Variants in SP4 observed in about 807,000 individuals in gnomAD.
The protein encoded by SP4 is Sp4 transcription factor.
In SP4, 19 loss-of-function variants were observed where a neutral mutation model predicts 72.8. The observed-to-expected ratio is 0.26, with a 90% CI of 0.18 to 0.38. The LOEUF (loss-of-function observed/expected upper bound fraction) is 0.38. SP4 is among the 10% of genes least tolerant of loss of function. The pLI is 1.00. For synonymous variants in SP4, 395 were observed against 333.1 expected, an observed-to-expected ratio of 1.19 and a Z score of -2.02; for missense variants, 1,008 against 926.3, an observed-to-expected ratio of 1.09 and a Z score of -1.14.
At chr7:21,478,718 G>A (rs1330512674) in intron 4 of SP4, among the ~76,000 whole-genome samples, 1 of 152,048 alleles carries the variant, frequency 6.6e-6, no homozygotes, top group Non-Finnish European at 1.5e-5. Context: ...TTTTCATTAT[G>A]GAATTGTCTC....
At chr7:21,456,351 G>A (rs1028178239) in intron 3 of SP4, among the ~76,000 whole-genome samples, 1 of 152,182 alleles carries the variant, frequency 6.6e-6, no homozygotes, top group Non-Finnish European at 1.5e-5. Context: ...AAGGTGTATG[G>A]TAAGTCATAA....
chr7:21,504,705 T>G (rs918219225), intron 5 of SP4, among the ~76,000 whole-genome samples: 1 of 152,238 alleles, frequency 6.6e-6, no homozygotes, highest in Non-Finnish European at 1.5e-5. Context: ...CTTAATAATA[T>G]GGCTTCATAT....
chr7:21,475,063 A>G (rs1265940909), intron 3 of SP4, among the ~76,000 whole-genome samples: 1 of 150,880 alleles, frequency 6.6e-6, no homozygotes, highest in Non-Finnish European at 1.5e-5. Flanking sequence ...CATTTAAGGT[A>G]CTACATGTGC....
At chr7:21,440,560 A>G (rs763939895) in intron 3 of SP4, among the ~76,000 whole-genome samples, 81 of 152,026 alleles carry the variant, frequency 5.3e-4, no homozygotes, top group Non-Finnish European at 8.5e-4. Flanking sequence ...GTGGAAAAGA[A>G]GTGGTGTGGC....
At chr7:21,436,211 T>C (rs1022194122) in intron 3 of SP4, among the ~76,000 whole-genome samples, 1 of 152,106 alleles carries the variant, frequency 6.6e-6, no homozygotes, top group Admixed American at 6.5e-5. Flanking sequence ...AAATAGAGTT[T>C]TAATCATCTG....
intron 3 of SP4, among the ~76,000 whole-genome samples, chr7:21,438,715 C>T (rs1394526898): frequency 6.6e-6 from 1 of 152,140 alleles, no homozygotes. Context: ...AAACAATTTA[C>T]AAGTTTTAAA....
At chr7:21,455,816 G>C (rs972928085) in intron 3 of SP4, among the ~76,000 whole-genome samples, 3 of 152,112 alleles carry the variant, frequency 2.0e-5, no homozygotes, top group Admixed American at 1.3e-4. Flanking sequence ...CATAACCTTA[G>C]AGTGACTCTC....
intron 3 of SP4, among the ~76,000 whole-genome samples, chr7:21,450,571 C>T (rs10233598): frequency 6.6e-6 from 1 of 152,008 alleles, no homozygotes. Flanking sequence ...TGTGATAGTT[C>T]TCCATTTCCT....
intron 3 of SP4, among the ~76,000 whole-genome samples, chr7:21,459,699 T>A (rs1783891756): frequency 6.6e-6 from 1 of 152,246 alleles, no homozygotes; most frequent in African/African-American, 2.4e-5. Flanking sequence ...TCTGCTCTCA[T>A]GGAAGATTGC....
chr7:21,507,920 T>G (rs1331324600), intron 5 of SP4, among the ~76,000 whole-genome samples: 1 of 152,106 alleles, frequency 6.6e-6, no homozygotes, highest in Non-Finnish European at 1.5e-5. Flanking sequence ...GACTCTGCAC[T>G]TGCTTCATAT....
chr7:21,479,562 T>C (rs1322812283), intron 4 of SP4, among the ~76,000 whole-genome samples: 1 of 152,246 alleles, frequency 6.6e-6, no homozygotes, highest in African/African-American at 2.4e-5. Context: ...AATCGAGAAA[T>C]GTGAGTCCTG....
intron 3 of SP4, among the ~76,000 whole-genome samples, chr7:21,451,647 A>G (rs951811798): frequency 6.6e-6 from 1 of 152,276 alleles, no homozygotes; most frequent in Middle Eastern, 3.4e-3. Context: ...TGCCTCTGTC[A>G]TGTCCCACTG....
intron 3 of SP4, among the ~76,000 whole-genome samples, chr7:21,435,336 C>G (rs1373213779): frequency 6.6e-6 from 1 of 152,034 alleles, no homozygotes; most frequent in Non-Finnish European, 1.5e-5. Flanking sequence ...AAATATGAAA[C>G]CTGGGGATAT....
chr7:21,456,320 C>T (rs1351151866), intron 3 of SP4, among the ~76,000 whole-genome samples: 1 of 152,210 alleles, frequency 6.6e-6, no homozygotes, highest in Non-Finnish European at 1.5e-5. Context: ...AAACTTGGCC[C>T]TGGGGCATTA....
intron 3 of SP4, among the ~76,000 whole-genome samples, chr7:21,443,937 C>G (rs376882485): frequency 9.2e-5 from 14 of 152,164 alleles, no homozygotes. Flanking sequence ...CTTGTTGAAG[C>G]AAACTTTATT....
chr7:21,505,967 G>C (rs1335441616), intron 5 of SP4, among the ~76,000 whole-genome samples: 4 of 151,988 alleles, frequency 2.6e-5, no homozygotes, highest in African/African-American at 9.7e-5. Context: ...CCCTCACAAG[G>C]GGATTTAATT....
At position 21,438,513 on chromosome 7, in the gene SP4, A is replaced by G. The variant is rs143607105; in HGVS notation, c.1678+7670A>G. 5.9e-5 allele frequency among the ~76,000 whole-genome samples: 9 copies of G among 152,142 alleles called. No homozygotes were observed. The East Asian group carries it at 1.7e-3, about 29-fold the overall frequency. On this transcript the variant is annotated intron_variant, in intron 3 of 5. Transcript: ENST00000222584. ...TAAATTTACTGTGTACTTAGGTGCT[A>G]TTTTTCTATGTCGTTTCCTCTTTTA...
intron 5 of SP4, among the ~76,000 whole-genome samples, chr7:21,493,732 C>T (rs754450487): frequency 1.9e-4 from 29 of 151,992 alleles, no homozygotes; most frequent in Admixed American, 5.9e-4. Context: ...ACTCTGGGCC[C>T]GTATGGTTTC....
chr7:21,459,652 C>A (rs1417476587), intron 3 of SP4, among the ~76,000 whole-genome samples: 1 of 152,210 alleles, frequency 6.6e-6, no homozygotes, highest in Non-Finnish European at 1.5e-5. Flanking sequence ...GGTTAGTACA[C>A]TAATACCTGA....
Sources: gnomAD v4.1 joint callset for allele counts (sites outside exome capture counted in the v4.1 genomes callset) on GRCh38, gnomAD v4.1.1 for gene constraint, MANE v1.5 for transcripts, NCBI Gene and HGNC (gene_info 2026-07-23, HGNC 2026-07-21) for gene names.